The following TMEM154 variants were observed in gnomAD, a reference collection of about 807,000 sequenced individuals.
TMEM154 encodes the protein transmembrane protein 154.
In TMEM154, 27 loss-of-function variants were observed where a neutral mutation model predicts 24.5. The observed-to-expected ratio is 1.10, with a 90% CI of 0.81 to 1.52. The LOEUF (loss-of-function observed/expected upper bound fraction) is 1.52, where lower values mean the gene tolerates loss of function less well. Among genes scored for constraint, TMEM154 ranks in the 40% most tolerant of loss-of-function variants. TMEM154 has a pLI of 0.00. For synonymous variants in TMEM154, 67 were observed against 76.8 expected, an observed-to-expected ratio of 0.87 and a Z score of 0.67; for missense variants, 228 against 213.4, an observed-to-expected ratio of 1.07 and a Z score of -0.43.
intron 1 of TMEM154, among the ~76,000 whole-genome samples, chr4:152,674,629 G>T (rs1243941581): frequency 1.3e-5 from 2 of 152,080 alleles, no homozygotes; most frequent in African/African-American, 4.8e-5. Flanking sequence ...TCAAGGCTGG[G>T]GATTAAGCCT....
intron 1 of TMEM154, chr4:152,666,663 ATC>A (rs991634592): frequency 2.6e-5 from 4 of 152,240 alleles, no homozygotes; most frequent in African/African-American, 4.8e-5. Flanking sequence ...TCTTCAGTTG[ATC>A]TCTTTTTAAA....
Position 152,624,923 on chromosome 4 carries a change from C to T in TMEM154, c.*3623G>A, listed in dbSNP as rs1241296651. On this transcript the variant is annotated 3_prime_UTR_variant, in exon 7 of 7. Coordinates refer to ENST00000304385, the MANE Select transcript of TMEM154 (RefSeq NM_152680.3). Reference sequence around the variant, plus strand: ...GAATGTCTCTGAATGTGAAAAGTCACATGCGTTAATTTAATTCAGTATAAA... The same window carrying T: ...GAATGTCTCTGAATGTGAAAAGTCATATGCGTTAATTTAATTCAGTATAAA... 1 of 152,230 alleles carries T rather than the reference C, an allele frequency of 6.6e-6. No homozygotes were observed. The highest frequency in any genetic ancestry group is 2.4e-5 in the African/African-American group (1 of 41,458). The allele number at this position is 152,230 out of a possible 1,614,324, so 9.4% of individuals were successfully genotyped here. A position where few individuals can be genotyped will look rare whatever the true frequency, so the allele number is the denominator to read the frequency against.
chr4:152,625,100 T>A lies in TMEM154; in HGVS notation c.*3446A>T, dbSNP rs753285515. The A allele has an allele frequency of 1.0e-5, 1 of 96,312 alleles. No individual in the cohort carries two copies. Among genetic ancestry groups the A allele is most frequent in the Non-Finnish European group, 2.7e-5 (1 of 37,696 alleles). 6.0% of individuals were successfully genotyped at this position (96,312 alleles called of 1,614,324 possible). A position where few individuals can be genotyped will look rare whatever the true frequency, so the allele number is the denominator to read the frequency against. ...TCTTTAGTCAACATAAGGCCTTTTT[T>A]CAGAGATGGTGTGAATTAATAGTTT... On this transcript the variant is annotated 3_prime_UTR_variant, in exon 7 of 7. Coordinates refer to ENST00000304385, the MANE Select transcript of TMEM154 (RefSeq NM_152680.3).
chr4:152,656,106 C>T (rs144011345), intron 1 of TMEM154, among the ~76,000 whole-genome samples: 1 of 152,274 alleles, frequency 6.6e-6, no homozygotes, highest in Non-Finnish European at 1.5e-5. Flanking sequence ...CCCTCATGTA[C>T]CAGCTACAGG....
intron 3 of TMEM154, among the ~76,000 whole-genome samples, chr4:152,649,378 C>T (rs994704901): frequency 1.1e-4 from 16 of 152,346 alleles, no homozygotes; most frequent in Admixed American, 8.5e-4. Context: ...ACTCCTAGCA[C>T]GTGATGCTCC....
intron 6 of TMEM154, among the ~76,000 whole-genome samples, chr4:152,629,970 G>A (rs1451240514): frequency 1.3e-5 from 2 of 152,114 alleles, no homozygotes; most frequent in African/African-American, 4.8e-5. Context: ...GAAGAACAAT[G>A]GGAAAGGAGG....
At chr4:152,637,630 G>A (rs1473109156) in intron 6 of TMEM154, among the ~76,000 whole-genome samples, 1 of 152,154 alleles carries the variant, frequency 6.6e-6, no homozygotes, top group African/African-American at 2.4e-5. Context: ...AAGGACAGAT[G>A]TTCTTATTTC....
intron 1 of TMEM154, among the ~76,000 whole-genome samples, chr4:152,675,815 C>T (rs1039979121): frequency 2.0e-5 from 3 of 152,296 alleles, no homozygotes; most frequent in Middle Eastern, 3.4e-3. Context: ...AAACTACATA[C>T]GAATAGGCAA....
chr4:152,674,715 T>C (rs972637495), intron 1 of TMEM154, among the ~76,000 whole-genome samples: 13 of 152,250 alleles, frequency 8.5e-5, no homozygotes, highest in African/African-American at 2.9e-4. Context: ...ATAACAAGGC[T>C]GGGGGTATAT....
At chr4:152,630,731 T>C (rs189591293) in intron 6 of TMEM154, among the ~76,000 whole-genome samples, 5 of 152,298 alleles carry the variant, frequency 3.3e-5, no homozygotes, top group Admixed American at 3.3e-4. Context: ...GGTTAAAAAA[T>C]AGAAAACACA....
chr4:152,679,056 G>A (rs1036605830), intron 1 of TMEM154, among the ~76,000 whole-genome samples: 4 of 152,252 alleles, frequency 2.6e-5, no homozygotes, highest in Admixed American at 2.0e-4. Flanking sequence ...GGCAGCCAGT[G>A]TATTTGCCCA....
At position 152,625,165 on chromosome 4, in the gene TMEM154, C is replaced by T. The variant is rs1751897658; in HGVS notation, c.*3381G>A. 6.6e-6 allele frequency: 1 copy of T among 152,236 alleles called. No individual in the cohort carries two copies. The highest frequency in any genetic ancestry group is 1.5e-5 in the Non-Finnish European group (1 of 68,050). The allele number at this position is 152,236 out of a possible 1,614,324, so 9.4% of individuals were successfully genotyped here. On this transcript the variant is annotated 3_prime_UTR_variant, in exon 7 of 7. Transcript: ENST00000304385. The stretch of plus-strand genomic sequence containing the variant: ...AAAGAATAGACAAGTATTTTCTTAA[C>T]ATATCCATTTCCATTGCTAGAGCTG...
Position 152,639,226 on chromosome 4 carries a change from C to T in TMEM154, c.536+1702G>A, listed in dbSNP as rs141272372. On this transcript the variant is annotated intron_variant, in intron 6 of 6. Transcript: ENST00000304385. ...TCAGCCTCCCAAAGTGTTGGAATTACAGGCATGAGCCACATTGCCTGGCCA... is the reference window on the plus strand; with the variant it reads ...TCAGCCTCCCAAAGTGTTGGAATTATAGGCATGAGCCACATTGCCTGGCCA... Among the ~76,000 whole-genome samples, 1,339 of 152,318 alleles carry T rather than the reference C, an allele frequency of 8.8e-3. 19 individuals are homozygous for T. The highest frequency in any genetic ancestry group is 0.03 in the African/African-American group (1,248 of 41,578).
At position 152,668,053 on chromosome 4, in the gene TMEM154, C is replaced by T. The variant is rs567629668; in HGVS notation, c.64+11817G>A. On this transcript the variant is annotated intron_variant, in intron 1 of 6. Coordinates refer to ENST00000304385, the MANE Select transcript of TMEM154 (RefSeq NM_152680.3). ...ATGTCTTTTTAAGAGGAAGCTTGCT[C>T]ACATTTAATCAGATTTGCTCAGGCC... is the stretch of plus-strand genomic sequence containing the variant. Among the ~76,000 whole-genome samples the T allele has an allele frequency of 2.6e-5, 4 of 152,326 alleles. No homozygotes were observed. The South Asian group carries it at 8.3e-4, about 32-fold the overall frequency.
chr4:152,664,071 T>G (rs1394368595), intron 1 of TMEM154, among the ~76,000 whole-genome samples: 1 of 152,180 alleles, frequency 6.6e-6, no homozygotes, highest in Non-Finnish European at 1.5e-5. Flanking sequence ...GAAACAAATG[T>G]GCAACCAACA....
intron 6 of TMEM154, among the ~76,000 whole-genome samples, chr4:152,639,070 C>T (rs978590385): frequency 1.3e-5 from 2 of 152,190 alleles, no homozygotes; most frequent in Admixed American, 6.5e-5. Context: ...CCTGCTTCAG[C>T]CTCCCAAGTA....
intron 6 of TMEM154, among the ~76,000 whole-genome samples, chr4:152,637,302 T>G (rs1341215036): frequency 2.0e-5 from 3 of 152,162 alleles, no homozygotes; most frequent in Admixed American, 1.3e-4. Context: ...TCCCAGCGCT[T>G]TGGGAGGCTG....
At chr4:152,670,603 A>T (rs983309081) in intron 1 of TMEM154, among the ~76,000 whole-genome samples, 13 of 152,324 alleles carry the variant, frequency 8.5e-5, no homozygotes, top group African/African-American at 3.1e-4. Flanking sequence ...TCAAAAAAAT[A>T]AAAATAAAAT....
Position 152,626,238 on chromosome 4 carries a change from C to A in TMEM154, c.*2308G>T, listed in dbSNP as rs1008903740. The A allele has an allele frequency of 6.6e-6, 1 of 152,504 alleles. No individual in the cohort carries two copies. Among genetic ancestry groups the A allele is most frequent in the Non-Finnish European group, 1.5e-5 (1 of 68,004 alleles). 9.4% of individuals were successfully genotyped at this position (152,504 alleles called of 1,614,324 possible). A position where few individuals can be genotyped will look rare whatever the true frequency, so the allele number is the denominator to read the frequency against. On this transcript the variant is annotated 3_prime_UTR_variant, in exon 7 of 7. Transcript: ENST00000304385. Reference sequence around the variant, plus strand: ...CAAACTTACATATCTTTTAAATATTCGAAAGTCAGATTTTGTTCTGATTGC... The same window carrying A: ...CAAACTTACATATCTTTTAAATATTAGAAAGTCAGATTTTGTTCTGATTGC...
Sources: allele counts gnomAD v4.1 joint callset (sites outside exome capture counted in the v4.1 genomes callset), GRCh38; gene constraint gnomAD v4.1.1; transcripts MANE v1.5; gene names NCBI Gene and HGNC (gene_info 2026-07-23, HGNC 2026-07-21).